Variants in RERE observed in about 807,000 individuals in gnomAD.
The protein encoded by RERE is arginine-glutamic acid dipeptide repeats protein.
Under a neutral mutation model 146.1 loss-of-function variants are expected in RERE, and 40 were observed. The observed-to-expected ratio is 0.27, with a 90% CI of 0.21 to 0.36. The LOEUF is 0.36. RERE is among the 10% of genes least tolerant of loss of function. The probability of loss-of-function intolerance (pLI) is 1.00; values close to 1 mark genes in which losing one functional copy is unlikely to be tolerated. For missense variants in RERE, 1,933 were observed against 2,138.7 expected, an observed-to-expected ratio of 0.90 and a Z score of 1.90; for synonymous variants, 1,003 against 866.0, an observed-to-expected ratio of 1.16 and a Z score of -2.78.
At chr1:8,797,592 T>C (rs1363548663) in intron 1 of RERE, among the ~76,000 whole-genome samples, 3 of 152,226 alleles carry the variant, frequency 2.0e-5, no homozygotes, top group Non-Finnish European at 4.4e-5. Flanking sequence ...GCACTTACCA[T>C]ATTTTAAAAT....
At chr1:8,785,644 C>T (rs556891406) in intron 1 of RERE, among the ~76,000 whole-genome samples, 11 of 152,072 alleles carry the variant, frequency 7.2e-5, no homozygotes, top group South Asian at 6.2e-4. Context: ...TTTTTTGAGA[C>T]GAAGTCTCAC....
chr1:8,416,344 G>T (rs2124463833), intron 12 of RERE, among the ~76,000 whole-genome samples: 1 of 152,240 alleles, frequency 6.6e-6, no homozygotes, highest in East Asian at 1.9e-4. Context: ...CCAGCACTTT[G>T]GGAGGCCAAG....
intron 7 of RERE, among the ~76,000 whole-genome samples, chr1:8,521,175 T>TTAAA (rs1645493115): frequency 1.0e-4 from 2 of 19,896 alleles, no homozygotes; most frequent in Non-Finnish European, 1.0e-4. Flanking sequence ...CTTCTTTTTT[T>TTAAA]CAAAAAAAAA....
chr1:8,390,597 G>C (rs1642851586), intron 12 of RERE, among the ~76,000 whole-genome samples: 1 of 152,092 alleles, frequency 6.6e-6, no homozygotes, highest in African/African-American at 2.4e-5. Flanking sequence ...CAGAGCCCCA[G>C]AAACCTAAGT....
At chr1:8,702,071 G>GA (rs201314180) in intron 1 of RERE, among the ~76,000 whole-genome samples, 6,707 of 128,882 alleles carry the variant, frequency 0.052, 375 homozygotes, top group East Asian at 0.14. Flanking sequence ...CCAGAAAGAG[G>GA]AAAAAAAAAA....
chr1:8,396,459 T>C (rs1478761122), intron 12 of RERE, among the ~76,000 whole-genome samples: 3 of 152,158 alleles, frequency 2.0e-5, no homozygotes, highest in African/African-American at 7.2e-5. Context: ...ACTAGAGTGA[T>C]GGAATTTGGG....
chr1:8,524,027 CAG>C (rs936448361), intron 7 of RERE, among the ~76,000 whole-genome samples: 2 of 152,208 alleles, frequency 1.3e-5, no homozygotes, highest in Non-Finnish European at 2.9e-5. Context: ...AAGTGCATGA[CAG>C]AAAGTGGTGC....
intron 4 of RERE, among the ~76,000 whole-genome samples, chr1:8,587,322 T>C (rs1007896938): frequency 2.0e-5 from 3 of 152,330 alleles, no homozygotes; most frequent in African/African-American, 7.2e-5. Context: ...ATCATTTCCA[T>C]TGACCCTTAC....
At chr1:8,495,285 C>T in intron 9 of RERE, 123 bp from the exon 10 acceptor site, 1 of 666,426 alleles carries the variant, frequency 1.5e-6, no homozygotes, top group Admixed American at 2.3e-5. Context: ...GCATGATGAA[C>T]CAGTTCCCAG....
chr1:8,721,612 C>T (rs1054080843), intron 1 of RERE, among the ~76,000 whole-genome samples: 9 of 152,156 alleles, frequency 5.9e-5, no homozygotes, highest in Non-Finnish European at 1.0e-4. Context: ...CCGTGCCTGG[C>T]AAGAGATTCT....
intron 1 of RERE, among the ~76,000 whole-genome samples, chr1:8,694,090 C>A (rs903259265): frequency 2.0e-5 from 3 of 146,834 alleles, no homozygotes; most frequent in African/African-American, 7.5e-5. Flanking sequence ...ACTTTTAGTT[C>A]TCCTTTTCCA....
chr1:8,755,423 G>C (rs1343961510), intron 1 of RERE, among the ~76,000 whole-genome samples: 1 of 152,116 alleles, frequency 6.6e-6, no homozygotes, highest in African/African-American at 2.4e-5. Flanking sequence ...CTGTATTTTA[G>C]AAAAGGAACG....
At chr1:8,812,744 A>G (rs1641836966) in intron 1 of RERE, among the ~76,000 whole-genome samples, 1 of 152,246 alleles carries the variant, frequency 6.6e-6, no homozygotes, top group Non-Finnish European at 1.5e-5. Flanking sequence ...TACCTAATGT[A>G]CAGACACACA....
chr1:8,543,598 G>T (rs1645824723), intron 6 of RERE, among the ~76,000 whole-genome samples: 1 of 152,062 alleles, frequency 6.6e-6, no homozygotes, highest in African/African-American at 2.4e-5. Flanking sequence ...TTTAGGGCAG[G>T]GTTTATCAAT....
At chr1:8,744,543 T>C (rs1640381510) in intron 1 of RERE, among the ~76,000 whole-genome samples, 1 of 152,146 alleles carries the variant, frequency 6.6e-6, no homozygotes, top group South Asian at 2.1e-4. Flanking sequence ...ATCAGGTAAT[T>C]TTGATAGAAA....
chr1:8,680,968 G>A (rs958488497), intron 1 of RERE, among the ~76,000 whole-genome samples: 19 of 152,132 alleles, frequency 1.2e-4, no homozygotes, highest in African/African-American at 4.3e-4. Context: ...TGCCCTCTAC[G>A]AATGCTAAAT....
chr1:8,672,562 T>C (rs1352492831), intron 1 of RERE, among the ~76,000 whole-genome samples: 1 of 152,244 alleles, frequency 6.6e-6, no homozygotes, highest in Non-Finnish European at 1.5e-5. Flanking sequence ...TGCAGTATTA[T>C]TCCATCACTT....
At chr1:8,684,466 G>A (rs1248110660) in intron 1 of RERE, among the ~76,000 whole-genome samples, 1 of 151,868 alleles carries the variant, frequency 6.6e-6, no homozygotes, top group Middle Eastern at 3.4e-3. Flanking sequence ...GCTGAAACAC[G>A]GAAGCTTATA....
At chr1:8,366,323 C>T (rs960957541) in intron 12 of RERE, among the ~76,000 whole-genome samples, 1 of 152,232 alleles carries the variant, frequency 6.6e-6, no homozygotes, top group African/African-American at 2.4e-5. Flanking sequence ...AGATTCCTGC[C>T]CACGAGGAGC....
Sources: allele counts gnomAD v4.1 joint callset (sites outside exome capture counted in the v4.1 genomes callset), GRCh38; gene constraint gnomAD v4.1.1; transcripts MANE v1.5; gene names NCBI Gene and HGNC (gene_info 2026-07-23, HGNC 2026-07-21).